The following SSPN variants were observed in gnomAD, a reference collection of about 807,000 sequenced individuals.
SSPN encodes sarcospan, also known as K-ras oncogene-associated protein.
SSPN carries 15 observed loss-of-function variants against 19.1 expected under a neutral mutation model. The observed-to-expected ratio is 0.78, with a 90% CI of 0.52 to 1.21. The LOEUF (loss-of-function observed/expected upper bound fraction) is 1.21. Ranked by LOEUF, SSPN falls within the 50% of genes most tolerant of loss-of-function variation. The pLI is 0.00. For missense variants in SSPN, 291 were observed against 314.0 expected, an observed-to-expected ratio of 0.93 and a Z score of 0.55; for synonymous variants, 147 against 140.3, an observed-to-expected ratio of 1.05 and a Z score of -0.34.
rs1337570579 is a variant in SSPN at position 26,213,097 on chromosome 12, A to G, written c.280-11196A>G. 3.3e-5 allele frequency among the ~76,000 whole-genome samples: 5 copies of G among 151,006 alleles called. No individual in the cohort carries two copies. The South Asian group carries it at 6.4e-4, about 19-fold the overall frequency. On this transcript the variant is annotated intron_variant, in intron 1 of 2. Transcript: ENST00000242729. ...AGTAATATTAACTTGAGGATCTCATATGGCCAGAAAAATAGTTTTAATTGA... is the reference window on the plus strand; with the variant it reads ...AGTAATATTAACTTGAGGATCTCATGTGGCCAGAAAAATAGTTTTAATTGA...
chr12:26,198,465 A>G (rs1183584620), intron 1 of SSPN, among the ~76,000 whole-genome samples: 2 of 152,072 alleles, frequency 1.3e-5, no homozygotes, highest in Non-Finnish European at 2.9e-5. Context: ...TGCCCTGAGG[A>G]TGAAATAAAT....
intron 1 of SSPN, among the ~76,000 whole-genome samples, chr12:26,213,236 G>C (rs565459558): frequency 6.6e-6 from 1 of 151,754 alleles, no homozygotes; most frequent in East Asian, 1.9e-4. Flanking sequence ...GCATTTCCTG[G>C]GTAGTAGATT....
At position 26,232,303 on chromosome 12, in the gene SSPN, A is replaced by G; in HGVS notation, c.*1227A>G. 1.0e-6 allele frequency: 1 copy of G among 985,306 alleles called. No homozygotes were observed. The highest frequency in any genetic ancestry group is 6.1e-5 in the Admixed American group (1 of 16,270). 61.0% of individuals were successfully genotyped at this position (985,306 alleles called of 1,614,324 possible). ...TGGCCTTGACTTGGAGGGTAGTTTT[A>G]GTTGTTTTGTTTTTAAGTGACTGTG... On this transcript the variant is annotated 3_prime_UTR_variant, in exon 3 of 3. Coordinates refer to ENST00000242729, the MANE Select transcript of SSPN (RefSeq NM_005086.5).
At chr12:26,124,158 T>C in intron 1 of SSPN, 1 of 1,609,524 alleles carries the variant, frequency 6.2e-7, no homozygotes, top group Non-Finnish European at 8.5e-7. Context: ...TCTATTAATC[T>C]GTGCGGTAAT....
intron 1 of SSPN, among the ~76,000 whole-genome samples, chr12:26,184,119 C>A (rs953781408): frequency 1.3e-5 from 2 of 152,156 alleles, no homozygotes; most frequent in Admixed American, 6.5e-5. Flanking sequence ...TGAGGGGTGG[C>A]AGTCAAGGTG....
At chr12:26,210,238 A>G (rs1484195072) in intron 1 of SSPN, among the ~76,000 whole-genome samples, 2 of 152,108 alleles carry the variant, frequency 1.3e-5, no homozygotes, top group Non-Finnish European at 2.9e-5. Flanking sequence ...CCCAGACTTT[A>G]TATCATTTTA....
chr12:26,233,355 T>TATATATATAC lies in SSPN; in HGVS notation c.*2280_*2281insTATATATACA, dbSNP rs766583720. 31 of 146,612 alleles carry TATATATATAC rather than the reference T, an allele frequency of 2.1e-4. No homozygotes were observed. The highest frequency in any genetic ancestry group is 7.9e-4 in the African/African-American group (30 of 37,982). 9.1% of individuals were successfully genotyped at this position (146,612 alleles called of 1,614,324 possible). ...AGATATATATATATATATATACACATACACACACACACACACATATATACT... is the reference window on the plus strand; with the variant it reads ...AGATATATATATATATATATACACATATATATATACACACACACACACACACATATATACT... On this transcript the variant is annotated 3_prime_UTR_variant, in exon 3 of 3. Transcript: ENST00000242729. The surrounding 1 kb of genome is among the most constrained non-coding windows in gnomAD (Gnocchi z 4.3).
At chr12:26,179,226 CAAG>C (rs1294863215) in intron 1 of SSPN, among the ~76,000 whole-genome samples, 1 of 152,058 alleles carries the variant, frequency 6.6e-6, no homozygotes, top group African/African-American at 2.4e-5. Flanking sequence ...GGCCTGACAG[CAAG>C]AAGGAGAGCA....
chr12:26,164,646 A>C (rs1222050316), intron 1 of SSPN, among the ~76,000 whole-genome samples: 2 of 152,208 alleles, frequency 1.3e-5, no homozygotes, highest in African/African-American at 4.8e-5. Flanking sequence ...CTTCATTGTC[A>C]AATATAAGCC....
intron 1 of SSPN, among the ~76,000 whole-genome samples, chr12:26,145,080 A>G (rs1030218321): frequency 3.3e-5 from 5 of 152,216 alleles, no homozygotes; most frequent in Non-Finnish European, 7.3e-5. Context: ...TTTTTGGTCT[A>G]TGTAACCAGC....
chr12:26,137,072 TCTG>T (rs1944429741), intron 1 of SSPN, among the ~76,000 whole-genome samples: 1 of 152,234 alleles, frequency 6.6e-6, no homozygotes. Flanking sequence ...TGGCAGTTAC[TCTG>T]TGCCATGCTC....
At chr12:26,173,863 G>A (rs986098672) in intron 1 of SSPN, among the ~76,000 whole-genome samples, 1 of 152,152 alleles carries the variant, frequency 6.6e-6, no homozygotes, top group African/African-American at 2.4e-5. Context: ...AACTTAAATA[G>A]TGTCTTCAAG....
At chr12:26,131,551 C>G (rs1368202795) in intron 1 of SSPN, among the ~76,000 whole-genome samples, 1 of 152,180 alleles carries the variant, frequency 6.6e-6, no homozygotes, top group Non-Finnish European at 1.5e-5. Context: ...ACTTATGTAG[C>G]ATACAATTGC....
At position 26,232,451 on chromosome 12, in the gene SSPN, TG is replaced by T; in HGVS notation, c.*1377del. 1 of 985,422 alleles carries T rather than the reference TG, an allele frequency of 1.0e-6. No individual in the cohort carries two copies. Among genetic ancestry groups the T allele is most frequent in the Non-Finnish European group, 1.2e-6 (1 of 829,896 alleles). 61.0% of individuals were successfully genotyped at this position (985,422 alleles called of 1,614,324 possible). On this transcript the variant is annotated 3_prime_UTR_variant, in exon 3 of 3. Transcript: ENST00000242729. The stretch of plus-strand genomic sequence containing the variant: ...AAAATGGAAATTCATGAAACATAAA[TG>T]GTATCAAGAACTTTATCAGTATGCT...
chr12:26,130,426 G>C (rs1029969028), intron 1 of SSPN, among the ~76,000 whole-genome samples: 39 of 152,196 alleles, frequency 2.6e-4, no homozygotes, highest in African/African-American at 7.9e-4. Flanking sequence ...TGACTTCAAA[G>C]GTACTCCTAC....
At chr12:26,208,372 T>A (rs1274665784) in intron 1 of SSPN, among the ~76,000 whole-genome samples, 2 of 152,210 alleles carry the variant, frequency 1.3e-5, no homozygotes, top group African/African-American at 4.8e-5. Context: ...TGAACATATT[T>A]TATGTTGATT....
At chr12:26,131,778 G>C (rs1944398585) in intron 1 of SSPN, among the ~76,000 whole-genome samples, 1 of 152,192 alleles carries the variant, frequency 6.6e-6, no homozygotes, top group African/African-American at 2.4e-5. Context: ...AATGTCCAGT[G>C]CTCTCAATTC....
intron 1 of SSPN, among the ~76,000 whole-genome samples, chr12:26,218,862 G>A (rs1945088844): frequency 6.6e-6 from 1 of 151,990 alleles, no homozygotes; most frequent in African/African-American, 2.4e-5. Flanking sequence ...TTATCTTAAT[G>A]TATATTAAAT....
At chr12:26,140,401 CT>C (rs746353907) in intron 1 of SSPN, among the ~76,000 whole-genome samples, 69 of 152,174 alleles carry the variant, frequency 4.5e-4, no homozygotes, top group Non-Finnish European at 7.2e-4. Flanking sequence ...CAAAATACTT[CT>C]CAAATCTGGA....
Sources: gnomAD v4.1 joint callset for allele counts (sites outside exome capture counted in the v4.1 genomes callset) on GRCh38, gnomAD v4.1.1 for gene constraint, Gnocchi (gnomAD v3.1) non-coding constraint, MANE v1.5 for transcripts, NCBI Gene and HGNC (gene_info 2026-07-23, HGNC 2026-07-21) for gene names.